Variants in SLC28A3 observed in about 807,000 individuals in gnomAD.
The protein encoded by SLC28A3 is solute carrier family 28 member 3.
In SLC28A3, 68 loss-of-function variants were observed where a neutral mutation model predicts 84.2. The observed-to-expected ratio is 0.81, with a 90% CI of 0.66 to 0.99. The LOEUF (loss-of-function observed/expected upper bound fraction) is 0.99, where lower values mean the gene tolerates loss of function less well. Among genes scored for constraint, SLC28A3 ranks in the 50% least tolerant of loss-of-function variants. SLC28A3 has a pLI of 0.00. For missense variants in SLC28A3, 712 were observed against 841.5 expected, an observed-to-expected ratio of 0.85 and a Z score of 1.90; for synonymous variants, 267 against 303.6, an observed-to-expected ratio of 0.88 and a Z score of 1.25.
At chr9:84,354,207 C>T in the SLC28A3 span, among the ~76,000 whole-genome samples, 1 of 152,220 alleles carries the variant, frequency 6.6e-6, no homozygotes, top group Non-Finnish European at 1.5e-5. Flanking sequence ...AGCTCCTCAG[C>T]GAGGCTGTCC....
At chr9:84,350,164 G>A in the SLC28A3 span, among the ~76,000 whole-genome samples, 485 of 152,348 alleles carry the variant, frequency 3.2e-3, no homozygotes, top group African/African-American at 0.011. Context: ...TGGTAGGCCC[G>A]GCACGGTGGC....
intron 5 of SLC28A3, among the ~76,000 whole-genome samples, chr9:84,301,889 G>A (rs1454986707): frequency 6.6e-6 from 1 of 152,146 alleles, no homozygotes; most frequent in African/African-American, 2.4e-5. Context: ...AGGCATGGAG[G>A]TGTCTCTTCC....
chr9:84,337,487 C>CGT (rs139490810), intron 1 of SLC28A3, among the ~76,000 whole-genome samples: 8 of 151,730 alleles, frequency 5.3e-5, no homozygotes, highest in Admixed American at 1.3e-4. Flanking sequence ...TGTTTGCACA[C>CGT]GTGTGTGTGT....
At chr9:84,313,876 A>AC (rs1363629107) in intron 1 of SLC28A3, among the ~76,000 whole-genome samples, 1 of 151,138 alleles carries the variant, frequency 6.6e-6, no homozygotes, top group Non-Finnish European at 1.5e-5. Context: ...CTGAAAAAAA[A>AC]AAAAAAGAAA....
At chr9:84,362,964 T>C in the SLC28A3 span, among the ~76,000 whole-genome samples, 3 of 152,092 alleles carry the variant, frequency 2.0e-5, no homozygotes, top group African/African-American at 7.2e-5. Flanking sequence ...AAGATAAAAA[T>C]ATTTTTGGAT....
intron 1 of SLC28A3, among the ~76,000 whole-genome samples, chr9:84,331,592 A>G (rs1414013673): frequency 6.6e-6 from 1 of 152,012 alleles, no homozygotes; most frequent in Non-Finnish European, 1.5e-5. Flanking sequence ...AGTGAGGCCC[A>G]TTTCCCCAGC....
Position 84,279,383 on chromosome 9 carries a change from T to C in SLC28A3, c.1831A>G (p.Ile611Val), listed in dbSNP as rs201568024. Residue 611 changes from isoleucine to valine, a missense_variant and splice_region_variant, in exon 17 of 18, where the codon ATA (isoleucine) becomes GTA (valine). Coordinates refer to ENST00000376238, the MANE Select transcript of SLC28A3 (RefSeq NM_001199633.2). ...ACFMTACIAG[I>V]LSSTPVDINC... ...ATGTCCACAGGAGTGCTGGAGAGTA[T>C]GCCTAGAAGTGGAACAGAGTCCCAT... 4.5e-5 allele frequency: 70 copies of C among 1,546,442 alleles called. No homozygotes were observed. Among genetic ancestry groups the C allele is most frequent in the Middle Eastern group, 1.7e-4 (1 of 5,824 alleles).
the SLC28A3 span, among the ~76,000 whole-genome samples, chr9:84,361,600 G>C: frequency 6.6e-6 from 1 of 152,092 alleles, no homozygotes; most frequent in African/African-American, 2.4e-5. Flanking sequence ...GCTCTCCCGC[G>C]AGAGTGTTTT....
chr9:84,365,872 G>T, the SLC28A3 span, among the ~76,000 whole-genome samples: 2 of 152,068 alleles, frequency 1.3e-5, no homozygotes, highest in African/African-American at 4.8e-5. Context: ...CCAACATGGA[G>T]AAACCCTGTC....
the SLC28A3 span, among the ~76,000 whole-genome samples, chr9:84,361,111 C>T: frequency 6.6e-6 from 1 of 151,884 alleles, no homozygotes; most frequent in Non-Finnish European, 1.5e-5. Flanking sequence ...TTTGGGAGGC[C>T]GAGGTGGGCA....
At chr9:84,367,580 G>A in the SLC28A3 span, among the ~76,000 whole-genome samples, 4 of 152,100 alleles carry the variant, frequency 2.6e-5, no homozygotes, top group African/African-American at 4.8e-5. Flanking sequence ...CTCAGCATGC[G>A]AGGACCTGCA....
intron 1 of SLC28A3, among the ~76,000 whole-genome samples, chr9:84,335,543 G>C (rs1365537877): frequency 6.6e-6 from 1 of 152,134 alleles, no homozygotes; most frequent in Non-Finnish European, 1.5e-5. Context: ...GTGAAGCCCT[G>C]TCTCTATTTA....
chr9:84,314,070 T>C (rs1588603235), intron 1 of SLC28A3, among the ~76,000 whole-genome samples: 2 of 152,158 alleles, frequency 1.3e-5, no homozygotes, highest in African/African-American at 4.8e-5. Flanking sequence ...ACACTGATTT[T>C]CAACTTATAA....
chr9:84,350,948 C>G, the SLC28A3 span, among the ~76,000 whole-genome samples: 1 of 152,060 alleles, frequency 6.6e-6, no homozygotes, highest in Admixed American at 6.6e-5. Flanking sequence ...CTCAAGTGAT[C>G]CTCCCACCTC....
the SLC28A3 span, among the ~76,000 whole-genome samples, chr9:84,366,920 G>C: frequency 6.6e-6 from 1 of 152,140 alleles, no homozygotes; most frequent in African/African-American, 2.4e-5. Flanking sequence ...AAGGCCCTGG[G>C]GCTCTACAGT....
the SLC28A3 span, among the ~76,000 whole-genome samples, chr9:84,359,335 T>C: frequency 6.6e-6 from 1 of 152,210 alleles, no homozygotes; most frequent in African/African-American, 2.4e-5. Flanking sequence ...ATCTGTCTTA[T>C]AGAAATACAC....
Position 84,316,542 on chromosome 9 carries a change from G to T in SLC28A3, c.61-3088C>A, listed in dbSNP as rs538734819. The stretch of plus-strand genomic sequence containing the variant: ...CATCCTTGTGATGTCAGGGTGCTGA[G>T]TTGGGAGGAACTTGGGTCCCTGGAA... On this transcript the variant is annotated intron_variant, in intron 1 of 17. Transcript: ENST00000376238. 6.6e-5 allele frequency among the ~76,000 whole-genome samples: 10 copies of T among 152,378 alleles called. No individual in the cohort carries two copies. The South Asian group carries it at 2.1e-3, about 32-fold the overall frequency.
rs374907314 is a variant in SLC28A3, at chr9:84,310,388, C to A, written c.157-674G>T. 4.7e-5 allele frequency: 46 copies of A among 983,604 alleles called. 1 individual carries two copies. Among genetic ancestry groups the A allele is most frequent in the African/African-American group, 3.3e-4 (19 of 57,184 alleles). The allele number at this position is 983,604 out of a possible 1,614,324, so 60.9% of individuals were successfully genotyped here. ...CAAATATCCATGACCCATCCTATTT[C>A]CAGGATGGCAGAGGATTTCCTACCT... On this transcript the variant is annotated intron_variant, in intron 2 of 17. Transcript: ENST00000376238.
rs1824522684 is a variant in SLC28A3 at position 84,276,260 on chromosome 9, A to G, written c.*1958T>C. 1 of 152,162 alleles carries G rather than the reference A, an allele frequency of 6.6e-6. No individual in the cohort carries two copies. Among genetic ancestry groups the G allele is most frequent in the Non-Finnish European group, 1.5e-5 (1 of 68,042 alleles). The allele number at this position is 152,162 out of a possible 1,614,324, so 9.4% of individuals were successfully genotyped here. A position where few individuals can be genotyped will look rare whatever the true frequency, so the allele number is the denominator to read the frequency against. On this transcript the variant is annotated 3_prime_UTR_variant, in exon 18 of 18. Coordinates refer to ENST00000376238, the MANE Select transcript of SLC28A3 (RefSeq NM_001199633.2). ...ATGCAAACCAGACAGACTTAGTTTCATAAGAATGAAAAATATCTTACTGAA... is the reference window on the plus strand; with the variant it reads ...ATGCAAACCAGACAGACTTAGTTTCGTAAGAATGAAAAATATCTTACTGAA...
Sources: allele counts gnomAD v4.1 joint callset (sites outside exome capture counted in the v4.1 genomes callset), GRCh38; gene constraint gnomAD v4.1.1; transcripts MANE v1.5; gene names NCBI Gene and HGNC (gene_info 2026-07-23, HGNC 2026-07-21).